Variants in LMAN2L observed in about 807,000 individuals in gnomAD.
LMAN2L encodes VIP36-like protein.
A neutral mutation model predicts 44.3 loss-of-function variants in LMAN2L; 30 were observed. The observed-to-expected ratio is 0.68, with a 90% CI of 0.51 to 0.92. The LOEUF is 0.92. LMAN2L is among the 40% of genes least tolerant of loss of function. The pLI, the probability that LMAN2L is intolerant of heterozygous loss-of-function variation, is 0.00. For missense variants in LMAN2L, 429 were observed against 446.1 expected (o/e 0.96, Z 0.35); for synonymous variants, 183 against 171.1 (o/e 1.07, Z -0.54).
chr2:96,726,145 A>G (rs900051465), intron 4 of LMAN2L, among the ~76,000 whole-genome samples: 5 of 151,648 alleles, frequency 3.3e-5, no homozygotes, highest in African/African-American at 1.2e-4. Flanking sequence ...AAAGAAAAAA[A>G]AAAAGAAATA....
intron 1 of LMAN2L, among the ~76,000 whole-genome samples, chr2:96,738,885 C>G (rs981596299): frequency 6.6e-6 from 1 of 152,038 alleles, no homozygotes; most frequent in African/African-American, 2.4e-5. Context: ...GGACTACAGG[C>G]GCCCGCCACC....
chr2:96,726,869 A>G (rs2078282863), intron 4 of LMAN2L, among the ~76,000 whole-genome samples: 1 of 152,104 alleles, frequency 6.6e-6, no homozygotes, highest in Non-Finnish European at 1.5e-5. Context: ...AGATCACTTC[A>G]GGTCAGGAGT....
At chr2:96,739,832 C>T in intron 1 of LMAN2L, 22 bp downstream of exon 1, 1 of 1,611,506 alleles carries the variant, frequency 6.2e-7, no homozygotes. Context: ...ACTGCACGAC[C>T]ACCTCACCCT....
At chr2:96,710,669 T>TA (rs1335363633) in intron 6 of LMAN2L, among the ~76,000 whole-genome samples, 107 of 126,022 alleles carry the variant, frequency 8.5e-4, no homozygotes, top group African/African-American at 1.8e-3. Flanking sequence ...TATATATATA[T>TA]AAAAAAAAAT....
chr2:96,708,655 C>T (rs879889186), intron 6 of LMAN2L, among the ~76,000 whole-genome samples: 5 of 152,276 alleles, frequency 3.3e-5, no homozygotes, highest in Middle Eastern at 3.4e-3. Flanking sequence ...CACACACACA[C>T]GTACAACAGG....
chr2:96,720,341 G>A (rs973302167), intron 4 of LMAN2L, among the ~76,000 whole-genome samples: 8 of 152,120 alleles, frequency 5.3e-5, no homozygotes, highest in Admixed American at 6.6e-5. Context: ...TGATTTCAAC[G>A]GAAGCACATT....
chr2:96,734,327 G>C, intron 3 of LMAN2L, 82 bp downstream of exon 3: 1 of 852,650 alleles, frequency 1.2e-6, no homozygotes, highest in Non-Finnish European at 2.0e-6. Flanking sequence ...CTGGCACTGT[G>C]GGGAAGGAAC....
chr2:96,707,214 C>G lies in LMAN2L; in HGVS notation c.*42G>C. On this transcript the variant is annotated 3_prime_UTR_variant, in exon 8 of 8. Transcript: ENST00000264963. ...CAGGCCAGTGCCTGCTCCTTCCATA[C>G]CTCATGGGTGACAGTCACAAAAGTG... 1 of 1,604,310 alleles carries G rather than the reference C, an allele frequency of 6.2e-7. No individual in the cohort carries two copies. The highest frequency in any genetic ancestry group is 2.2e-5 in the East Asian group (1 of 44,824).
intron 4 of LMAN2L, chr2:96,712,975 T>C (rs899948674): frequency 2.7e-6 from 2 of 728,268 alleles, no homozygotes; most frequent in South Asian, 1.7e-5. Flanking sequence ...ATGGTTAACA[T>C]GCAAGATGGA....
intron 6 of LMAN2L, among the ~76,000 whole-genome samples, chr2:96,710,601 TTGCAGTGAGCTGACATGGCGCCAC>T (rs1231003561): frequency 5.3e-5 from 8 of 151,898 alleles, no homozygotes; most frequent in African/African-American, 1.9e-4. Context: ...GAGGTGGAGG[TTGCAGTGAGCTGACATGGCGCCAC>T]TGCACCCCAG....
intron 4 of LMAN2L, among the ~76,000 whole-genome samples, chr2:96,723,131 C>A (rs1227931946): frequency 2.6e-5 from 4 of 152,170 alleles, no homozygotes; most frequent in Non-Finnish European, 5.9e-5. Context: ...AAATGTCAAA[C>A]TTTTCCAAAG....
At chr2:96,728,326 G>A (rs765670991) in intron 4 of LMAN2L, among the ~76,000 whole-genome samples, 14 of 151,652 alleles carry the variant, frequency 9.2e-5, no homozygotes, top group African/African-American at 3.1e-4. Context: ...GTGAAAACCC[G>A]TCTCTACTAA....
At chr2:96,714,162 T>G (rs957325226) in intron 4 of LMAN2L, among the ~76,000 whole-genome samples, 2 of 152,234 alleles carry the variant, frequency 1.3e-5, no homozygotes. Context: ...ATACAAGGGA[T>G]GGGCAAGGGA....
At chr2:96,736,956 C>T (rs2078529043) in intron 2 of LMAN2L, among the ~76,000 whole-genome samples, 1 of 152,194 alleles carries the variant, frequency 6.6e-6, no homozygotes, top group Non-Finnish European at 1.5e-5. Context: ...GAAAAGAAAT[C>T]GTTCTCTTTT....
At chr2:96,717,027 T>C (rs2078053328) in intron 4 of LMAN2L, among the ~76,000 whole-genome samples, 1 of 152,154 alleles carries the variant, frequency 6.6e-6, no homozygotes, top group Non-Finnish European at 1.5e-5. Context: ...GCAGATTAGA[T>C]AATGGTATTG....
intron 4 of LMAN2L, among the ~76,000 whole-genome samples, chr2:96,717,076 TG>T (rs1205311995): frequency 6.6e-6 from 1 of 152,116 alleles, no homozygotes; most frequent in Non-Finnish European, 1.5e-5. Flanking sequence ...CACTGTGCTG[TG>T]GCTACATAAA....
At chr2:96,736,696 A>C (rs2078522891) in intron 2 of LMAN2L, among the ~76,000 whole-genome samples, 1 of 152,242 alleles carries the variant, frequency 6.6e-6, no homozygotes, top group South Asian at 2.1e-4. Context: ...CAAGTAAAAC[A>C]GGTATTCTGA....
intron 4 of LMAN2L, among the ~76,000 whole-genome samples, chr2:96,717,989 CTT>C (rs1467839678): frequency 2.0e-5 from 3 of 152,088 alleles, no homozygotes; most frequent in Admixed American, 2.0e-4. Context: ...AAGTCTCACT[CTT>C]GTCCTCCAGG....
At chr2:96,723,155 T>C (rs2153327987) in intron 4 of LMAN2L, among the ~76,000 whole-genome samples, 1 of 152,384 alleles carries the variant, frequency 6.6e-6, no homozygotes, top group East Asian at 1.9e-4. Context: ...CTACACCATT[T>C]TACATTCCCA....
Sources: allele counts gnomAD v4.1 joint callset (sites outside exome capture counted in the v4.1 genomes callset), GRCh38; gene constraint gnomAD v4.1.1; transcripts MANE v1.5; gene names NCBI Gene and HGNC (gene_info 2026-07-23, HGNC 2026-07-21).